Variants in SLC25A24 observed in about 807,000 individuals in gnomAD.
SLC25A24 encodes mitochondrial adenyl nucleotide antiporter SLC25A24.
In SLC25A24, 49 loss-of-function variants were observed where a neutral mutation model predicts 60.7. That is an observed-to-expected ratio of 0.81 (90% CI 0.64 to 1.02). The LOEUF is 1.02. SLC25A24 is among the 50% of genes least tolerant of loss of function. The probability of loss-of-function intolerance (pLI) is 0.00; values close to 1 mark genes in which losing one functional copy is unlikely to be tolerated. For missense variants in SLC25A24, 564 were observed against 586.3 expected (o/e 0.96, Z 0.39); for synonymous variants, 202 against 200.6 (o/e 1.01, Z -0.06).
chr1:108,171,371 T>C (rs908188918), intron 3 of SLC25A24, among the ~76,000 whole-genome samples: 1 of 152,178 alleles, frequency 6.6e-6, no homozygotes, highest in African/African-American at 2.4e-5. Flanking sequence ...TTGTCCTTTT[T>C]CTTAGAACCC....
At position 108,194,381 on chromosome 1, in the gene SLC25A24, G is replaced by A. The variant is rs774490428; in HGVS notation, c.183+5575C>T. Among the ~76,000 whole-genome samples the A allele has an allele frequency of 2.2e-5, 3 of 137,386 alleles. 1 individual carries two copies. The highest frequency in any genetic ancestry group is 3.2e-5 in the Non-Finnish European group (2 of 63,276). 90.1% of individuals were successfully genotyped at this position (137,386 alleles called of 152,430 possible). ...TCCACAGGGAATGGTCCTTCCCTGT[G>A]CAACACAGAAAATGTAGGTAGTGGC... On this transcript the variant is annotated intron_variant, in intron 1 of 9. Transcript: ENST00000565488.
At chr1:108,163,425 G>T (rs1405872829) in intron 3 of SLC25A24, among the ~76,000 whole-genome samples, 1 of 150,406 alleles carries the variant, frequency 6.6e-6, no homozygotes, top group East Asian at 2.0e-4. Context: ...TCCTACCCAT[G>T]AGCATGGAAT....
intron 6 of SLC25A24, among the ~76,000 whole-genome samples, chr1:108,150,684 G>A (rs181720349): frequency 6.6e-6 from 1 of 152,104 alleles, no homozygotes; most frequent in East Asian, 1.9e-4. Flanking sequence ...TCCCAAACAC[G>A]TATAAGAAGA....
intron 2 of SLC25A24, 90 bp downstream of exon 2, chr1:108,185,738 C>A (rs1648101555): frequency 8.6e-6 from 8 of 926,212 alleles, no homozygotes; most frequent in South Asian, 3.6e-5. Flanking sequence ...CATCTAAAAC[C>A]AGAGAGATTA....
chr1:108,194,337 C>A lies in SLC25A24; in HGVS notation c.183+5619G>T, dbSNP rs1648431000. ...TGGCCCAATCAAGAATGAATTCTTTCAAAAAGAGAATTTTATGGTCCACAG... is the reference window on the plus strand; with the variant it reads ...TGGCCCAATCAAGAATGAATTCTTTAAAAAAGAGAATTTTATGGTCCACAG... On this transcript the variant is annotated intron_variant, in intron 1 of 9. Transcript: ENST00000565488. Among the ~76,000 whole-genome samples, 5 of 137,886 alleles carry A rather than the reference C, an allele frequency of 3.6e-5. 2 individuals are homozygous for A. In the South Asian group the frequency reaches 1.4e-3, roughly 39 times the overall value. 90.5% of individuals were successfully genotyped at this position (137,886 alleles called of 152,430 possible).
intron 3 of SLC25A24, among the ~76,000 whole-genome samples, chr1:108,174,534 G>A (rs1647600968): frequency 6.6e-6 from 1 of 152,204 alleles, no homozygotes; most frequent in Admixed American, 6.5e-5. Context: ...ATGTGGGGTT[G>A]GAGCCTTCAC....
intron 3 of SLC25A24, among the ~76,000 whole-genome samples, chr1:108,161,866 A>T (rs1228537871): frequency 2.0e-5 from 3 of 151,776 alleles, no homozygotes; most frequent in Non-Finnish European, 4.4e-5. Context: ...TTACATATGT[A>T]TACATGTGCC....
At chr1:108,177,738 T>A (rs1052307931) in intron 3 of SLC25A24, among the ~76,000 whole-genome samples, 8 of 152,220 alleles carry the variant, frequency 5.3e-5, no homozygotes, top group African/African-American at 1.7e-4. Flanking sequence ...AAGGTACTTT[T>A]ACTCCACTCC....
In SLC25A24 at chr1:108,192,577, GT is replaced by G; in HGVS notation, c.184-6624del. 4 of 1,499,032 alleles carry G rather than the reference GT, an allele frequency of 2.7e-6. 1 individual carries two copies. Among genetic ancestry groups the G allele is most frequent in the Non-Finnish European group, 3.6e-6 (4 of 1,113,756 alleles). The allele number at this position is 1,499,032 out of a possible 1,614,324, so 92.9% of individuals were successfully genotyped here. ...CAAAAATGTCCAAGGTCCCATCCTT[GT>G]TATAGTCCAGGTACCAAAAGAGATC... is the stretch of plus-strand genomic sequence containing the variant. On this transcript the variant is annotated intron_variant, in intron 1 of 9. Transcript: ENST00000565488.
intron 8 of SLC25A24, among the ~76,000 whole-genome samples, chr1:108,140,412 A>C (rs1679412800): frequency 6.6e-6 from 1 of 152,182 alleles, no homozygotes; most frequent in South Asian, 2.1e-4. Flanking sequence ...GAGAAACAAA[A>C]GGATGATAAA....
chr1:108,178,874 T>C (rs1247146359), intron 3 of SLC25A24, among the ~76,000 whole-genome samples: 1 of 150,882 alleles, frequency 6.6e-6, no homozygotes, highest in Admixed American at 6.6e-5. Flanking sequence ...CACAAATACA[T>C]GGAAATTAAA....
chr1:108,192,872 G>T, intron 1 of SLC25A24: 3 of 834,306 alleles, frequency 3.6e-6, no homozygotes, highest in Non-Finnish European at 4.6e-6. Context: ...CCGCACTCTG[G>T]GCTGCGCTGG....
At chr1:108,148,153 G>T in intron 7 of SLC25A24, 126 bp downstream of exon 7, 1 of 689,580 alleles carries the variant, frequency 1.5e-6, no homozygotes. Flanking sequence ...CCAGATTCCT[G>T]ACCCAGAGAA....
At chr1:108,180,468 TC>T (rs1249687921) in intron 3 of SLC25A24, among the ~76,000 whole-genome samples, 2 of 152,172 alleles carry the variant, frequency 1.3e-5, no homozygotes, top group Non-Finnish European at 2.9e-5. Flanking sequence ...CTGAGCTGTG[TC>T]CCTCCCAAAT....
At chr1:108,171,552 A>G (rs1038826043) in intron 3 of SLC25A24, among the ~76,000 whole-genome samples, 1 of 151,930 alleles carries the variant, frequency 6.6e-6, no homozygotes, top group African/African-American at 2.4e-5. Flanking sequence ...CCTTTCCCCT[A>G]CCTACCTTCC....
At position 108,136,639 on chromosome 1, in the gene SLC25A24, CA is replaced by C; in HGVS notation, c.*13del. 1 of 1,606,382 alleles carries C rather than the reference CA, an allele frequency of 6.2e-7. No individual in the cohort carries two copies. The highest frequency in any genetic ancestry group is 8.5e-7 in the Non-Finnish European group (1 of 1,174,750). ...GAAAGTTTCAATTATCAGGCTAAAG[CA>C]AAAAATGCAACATCATTTCTGGGTT... is the stretch of plus-strand genomic sequence containing the variant. On this transcript the variant is annotated 3_prime_UTR_variant, in exon 10 of 10. Coordinates refer to ENST00000565488, the MANE Select transcript of SLC25A24 (RefSeq NM_013386.5).
chr1:108,190,107 G>A (rs1008436667), intron 1 of SLC25A24, among the ~76,000 whole-genome samples: 1 of 152,050 alleles, frequency 6.6e-6, no homozygotes, highest in Non-Finnish European at 1.5e-5. Flanking sequence ...CTATAGCAAG[G>A]GAGTCAGACA....
At chr1:108,162,266 G>A (rs1364134772) in intron 3 of SLC25A24, among the ~76,000 whole-genome samples, 2 of 148,888 alleles carry the variant, frequency 1.3e-5, no homozygotes, top group African/African-American at 5.0e-5. Flanking sequence ...ATGTGCATGT[G>A]TCTTTATAGC....
chr1:108,143,715 A>G lies in SLC25A24; in HGVS notation c.931-5T>C, dbSNP rs781100131. ...AGCCAGCCTGGTTTTCATAACCTGG[A>G]TATAAAAAAAAACAAAATATGATTG... is the stretch of plus-strand genomic sequence containing the variant. On this transcript the variant is annotated splice_region_variant and splice_polypyrimidine_tract_variant and intron_variant, in intron 7 of 9. Transcript: ENST00000565488. The G allele has an allele frequency of 6.3e-6, 10 of 1,597,876 alleles. No homozygotes were observed. The South Asian group carries it at 1.1e-4, about 18-fold the overall frequency.
Sources: gnomAD v4.1 joint callset for allele counts (sites outside exome capture counted in the v4.1 genomes callset) on GRCh38, gnomAD v4.1.1 for gene constraint, MANE v1.5 for transcripts, NCBI Gene and HGNC (gene_info 2026-07-23, HGNC 2026-07-21) for gene names.